KLHDC4: variants seen among roughly 807,000 people sequenced by gnomAD.
The protein encoded by KLHDC4 is kelch domain-containing protein 4.
In KLHDC4, 90 loss-of-function variants were observed where a neutral mutation model predicts 62.4. That is an observed-to-expected ratio of 1.44 (90% confidence interval 1.22 to 1.72). The LOEUF is 1.72. Ranked by LOEUF, KLHDC4 falls within the 40% of genes most tolerant of loss-of-function variation. The pLI is 0.00. For missense variants in KLHDC4, 1,025 were observed against 699.7 expected (o/e 1.47, Z -5.25); for synonymous variants, 386 against 284.4 (o/e 1.36, Z -3.59).
intron 1 of KLHDC4, among the ~76,000 whole-genome samples, chr16:87,764,343 G>T (rs561501929): frequency 2.0e-5 from 3 of 152,120 alleles, no homozygotes; most frequent in Non-Finnish European, 4.4e-5. Flanking sequence ...GAGACATGGA[G>T]ATGAGTAAAA....
intron 1 of KLHDC4, among the ~76,000 whole-genome samples, chr16:87,764,371 G>A (rs1807861547): frequency 6.6e-6 from 1 of 152,036 alleles, no homozygotes; most frequent in Admixed American, 6.6e-5. Context: ...GTAACTGGCG[G>A]GGCAAGGTGG....
chr16:87,700,768 T>C (rs1193469553), exon 1 of KLHDC4: 18 of 113,280 alleles, frequency 1.6e-4, no homozygotes, highest in Non-Finnish European at 2.5e-4. Context: ...GGGAGGAGAT[T>C]GGAGGGCGGA....
At chr16:87,725,032 C>G (rs539297584) in intron 7 of KLHDC4, among the ~76,000 whole-genome samples, 6 of 152,308 alleles carry the variant, frequency 3.9e-5, no homozygotes, top group East Asian at 1.9e-4. Context: ...CAGCAATGAA[C>G]AGAAACATGC....
chr16:87,758,857 G>C (rs116164161), intron 2 of KLHDC4, among the ~76,000 whole-genome samples: 24 of 152,058 alleles, frequency 1.6e-4, no homozygotes, highest in African/African-American at 5.8e-4. Flanking sequence ...TAATTCCACT[G>C]AACTGCACAG....
chr16:87,765,389 G>A (rs930586386), intron 1 of KLHDC4: 2 of 473,870 alleles, frequency 4.2e-6, no homozygotes, highest in Non-Finnish European at 8.4e-6. Context: ...CTTACTCCCA[G>A]ACCACACATC....
intron 1 of KLHDC4, chr16:87,765,211 G>C (rs747256031): frequency 3.9e-5 from 18 of 455,940 alleles, no homozygotes; most frequent in Non-Finnish European, 7.5e-5. Flanking sequence ...CCCGGGCTGA[G>C]GACCAGAGGG....
chr16:87,721,830 A>G (rs991116033), intron 7 of KLHDC4, among the ~76,000 whole-genome samples: 2 of 152,204 alleles, frequency 1.3e-5, no homozygotes, highest in African/African-American at 4.8e-5. Flanking sequence ...CACAATGACA[A>G]CTGAGGTCAA....
At chr16:87,730,768 C>T (rs1336799323) in intron 5 of KLHDC4, 124 bp from the exon 6 acceptor site, 6 of 765,328 alleles carry the variant, frequency 7.8e-6, no homozygotes, top group Non-Finnish European at 1.3e-5. Context: ...TTACTGCTCA[C>T]AAATTAAATA....
At chr16:87,738,219 A>C (rs1161247400) in intron 5 of KLHDC4, among the ~76,000 whole-genome samples, 2 of 152,180 alleles carry the variant, frequency 1.3e-5, no homozygotes, top group African/African-American at 2.4e-5. Flanking sequence ...AGAATCGTAA[A>C]GTAACGGAAT....
intron 4 of KLHDC4, among the ~76,000 whole-genome samples, chr16:87,754,212 G>A (rs1377239502): frequency 1.3e-5 from 2 of 152,078 alleles, no homozygotes; most frequent in African/African-American, 4.8e-5. Flanking sequence ...CAGGTGTGGT[G>A]AGGGGTGCCT....
chr16:87,725,487 G>A (rs1293589116), intron 7 of KLHDC4, among the ~76,000 whole-genome samples: 6 of 152,164 alleles, frequency 3.9e-5, no homozygotes, highest in African/African-American at 1.4e-4. Flanking sequence ...AATCTTAATA[G>A]CAGGATCTAG....
chr16:87,732,252 C>T (rs778962426), intron 5 of KLHDC4, among the ~76,000 whole-genome samples: 3 of 152,050 alleles, frequency 2.0e-5, no homozygotes, highest in Non-Finnish European at 2.9e-5. Flanking sequence ...CCTGCCACCA[C>T]GACCAGCTAA....
At chr16:87,722,019 TCCCC>T (rs1218776188) in intron 7 of KLHDC4, among the ~76,000 whole-genome samples, 7 of 151,964 alleles carry the variant, frequency 4.6e-5, no homozygotes, top group Non-Finnish European at 7.4e-5. Context: ...GAACGAGAAC[TCCCC>T]CTCTCCAGAA....
At chr16:87,739,767 T>C (rs1275997825) in intron 5 of KLHDC4, 3 of 152,336 alleles carry the variant, frequency 2.0e-5, no homozygotes, top group African/African-American at 7.2e-5. Flanking sequence ...GCCACGTGTT[T>C]TGATTCCGCT....
At chr16:87,705,824 C>T (rs1027931102), downstream of KLHDC4, among the ~76,000 whole-genome samples, 19 of 152,098 alleles carry the variant, frequency 1.2e-4, no homozygotes, top group Non-Finnish European at 2.4e-4. Flanking sequence ...CTGCTGCCTG[C>T]GCTCTGGCTT....
At chr16:87,732,223 G>C (rs940120457) in intron 5 of KLHDC4, among the ~76,000 whole-genome samples, 1 of 151,082 alleles carries the variant, frequency 6.6e-6, no homozygotes, top group Non-Finnish European at 1.5e-5. Flanking sequence ...AGCCTCCCAA[G>C]TACCTGGGAT....
At chr16:87,707,367 G>C (rs2034867296), downstream of KLHDC4, among the ~76,000 whole-genome samples, 1 of 152,236 alleles carries the variant, frequency 6.6e-6, no homozygotes, top group Non-Finnish European at 1.5e-5. Context: ...GACTGGGACA[G>C]GGACAGGGAT....
chr16:87,724,886 C>T (rs1002623909), intron 7 of KLHDC4, among the ~76,000 whole-genome samples: 1 of 152,202 alleles, frequency 6.6e-6, no homozygotes, highest in Non-Finnish European at 1.5e-5. Flanking sequence ...TTATTATGGA[C>T]GTGCTCATAG....
chr16:87,723,084 G>C (rs954474580), intron 7 of KLHDC4, among the ~76,000 whole-genome samples: 1 of 152,202 alleles, frequency 6.6e-6, no homozygotes, highest in Non-Finnish European at 1.5e-5. Flanking sequence ...GCCAGAGCAA[G>C]GACGAGCTTC....
Sources: allele counts gnomAD v4.1 joint callset (sites outside exome capture counted in the v4.1 genomes callset), GRCh38; gene constraint gnomAD v4.1.1; transcripts MANE v1.5; gene names NCBI Gene and HGNC (gene_info 2026-07-23, HGNC 2026-07-21).